The following PRKCZ variants were observed in gnomAD, a reference collection of about 807,000 sequenced individuals.
PRKCZ encodes the protein protein kinase C zeta type.
PRKCZ carries 33 observed loss-of-function variants against 79.5 expected under a neutral mutation model. The observed-to-expected ratio is 0.41, with a 90% CI of 0.31 to 0.55. The LOEUF (loss-of-function observed/expected upper bound fraction) is 0.55, where lower values mean the gene tolerates loss of function less well. Among genes scored for constraint, PRKCZ ranks in the 20% least tolerant of loss-of-function variants. The pLI, the probability that PRKCZ is intolerant of heterozygous loss-of-function variation, is 0.19. For synonymous variants in PRKCZ, 342 were observed against 320.9 expected (o/e 1.07, Z -0.70); for missense variants, 578 against 813.5 (o/e 0.71, Z 3.52).
intron 4 of PRKCZ, among the ~76,000 whole-genome samples, chr1:2,097,380 C>T (rs975351832): frequency 6.6e-6 from 1 of 152,308 alleles, no homozygotes; most frequent in South Asian, 2.1e-4. Context: ...ATGAGCTGGG[C>T]TGGTGGAGAA....
intron 4 of PRKCZ, among the ~76,000 whole-genome samples, chr1:2,112,751 G>A (rs1670008319): frequency 1.3e-5 from 2 of 151,602 alleles, no homozygotes; most frequent in African/African-American, 2.4e-5. Context: ...GTGCAGTGGC[G>A]TGATCTCGGC....
At chr1:2,170,795 T>C (rs1315009681) in intron 11 of PRKCZ, among the ~76,000 whole-genome samples, 1 of 152,216 alleles carries the variant, frequency 6.6e-6, no homozygotes, top group African/African-American at 2.4e-5. Context: ...TCCTCAAGAT[T>C]CATCCGTGCT....
In PRKCZ at chr1:2,172,460, C is replaced by T; in HGVS notation, c.1285+72C>T. The stretch of plus-strand genomic sequence containing the variant: ...ATGGCTTCGGGCCTGGCCCAGCAGC[C>T]AGGGAGAGGTGTCCTTGACCATCTT... On this transcript the variant is annotated intron_variant, in intron 13 of 17. Coordinates refer to ENST00000378567, the MANE Select transcript of PRKCZ (RefSeq NM_002744.6). This position sits in a 1 kb window ranked among gnomAD's most constrained non-coding sequence, Gnocchi z 7.8. 1 of 1,474,880 alleles carries T rather than the reference C, an allele frequency of 6.8e-7. No individual in the cohort carries two copies. The highest frequency in any genetic ancestry group is 9.2e-7 in the Non-Finnish European group (1 of 1,091,036). The allele number at this position is 1,474,880 out of a possible 1,614,324, so 91.4% of individuals were successfully genotyped here. A position where few individuals can be genotyped will look rare whatever the true frequency, so the allele number is the denominator to read the frequency against.
intron 4 of PRKCZ, among the ~76,000 whole-genome samples, chr1:2,081,975 CTT>C (rs2102398442): frequency 6.6e-6 from 1 of 152,330 alleles, no homozygotes; most frequent in South Asian, 2.1e-4. Flanking sequence ...GGGCAGTCCT[CTT>C]TTTTCGGAAA....
upstream of PRKCZ, chr1:2,050,152 G>A (rs761292010): frequency 8.5e-5 from 13 of 152,154 alleles, no homozygotes; most frequent in Non-Finnish European, 1.5e-4. Context: ...CGTCCCAGAG[G>A]CCGGGGCCCC....
intron 5 of PRKCZ, among the ~76,000 whole-genome samples, chr1:2,138,533 C>G (rs1468834041): frequency 6.6e-6 from 1 of 152,098 alleles, no homozygotes; most frequent in Non-Finnish European, 1.5e-5. Flanking sequence ...TCCAGTAAAT[C>G]CTGAGGAGGT....
chr1:2,184,148 G>T (rs1026064939), intron 16 of PRKCZ: 1 of 153,658 alleles, frequency 6.5e-6, no homozygotes, highest in Admixed American at 6.5e-5. Context: ...GGGCCGGCAG[G>T]AGGCTCCTGA....
chr1:2,080,349 C>CGTGGACGTGGCGGTGCGT (rs1557512566), intron 4 of PRKCZ, among the ~76,000 whole-genome samples: 1 of 152,238 alleles, frequency 6.6e-6, no homozygotes, highest in African/African-American at 2.4e-5. Flanking sequence ...TGGCGGTGCG[C>CGTGGACGTGGCGGTGCGT]GTGGACGTGG....
At chr1:2,140,789 C>T (rs1283066801) in intron 5 of PRKCZ, among the ~76,000 whole-genome samples, 1 of 152,052 alleles carries the variant, frequency 6.6e-6, no homozygotes, top group African/African-American at 2.4e-5. Context: ...GCCAACATGG[C>T]GAAACTTTGT....
chr1:2,066,441 C>G (rs921693305), intron 4 of PRKCZ, among the ~76,000 whole-genome samples: 1 of 152,180 alleles, frequency 6.6e-6, no homozygotes, highest in Non-Finnish European at 1.5e-5. Flanking sequence ...CTCCTGGGTT[C>G]AAGTGATTCT....
At chr1:2,140,883 G>T (rs369217726) in intron 5 of PRKCZ, among the ~76,000 whole-genome samples, 4 of 152,186 alleles carry the variant, frequency 2.6e-5, no homozygotes, top group Admixed American at 6.5e-5. Flanking sequence ...CAGGAGAATC[G>T]CTTGAACCCA....
chr1:2,105,074 A>G (rs1199789963), intron 4 of PRKCZ, among the ~76,000 whole-genome samples: 1 of 152,200 alleles, frequency 6.6e-6, no homozygotes, highest in African/African-American at 2.4e-5. Context: ...GAGAACGAGT[A>G]ACCCCTTATC....
intron 4 of PRKCZ, chr1:2,104,643 TC>T: frequency 1.0e-6 from 1 of 977,530 alleles, no homozygotes; most frequent in Non-Finnish European, 1.2e-6. Flanking sequence ...GCAGGGAGCA[TC>T]CAGGGGAAGC....
chr1:2,120,722 C>A (rs1039167117), intron 4 of PRKCZ, among the ~76,000 whole-genome samples: 10 of 152,150 alleles, frequency 6.6e-5, no homozygotes, highest in African/African-American at 2.4e-4. Context: ...CTTTGTGCTT[C>A]AATGTGGATT....
intron 4 of PRKCZ, among the ~76,000 whole-genome samples, chr1:2,107,654 C>T (rs1233234474): frequency 6.6e-6 from 1 of 152,168 alleles, no homozygotes; most frequent in East Asian, 1.9e-4. Context: ...AGGTGCAGGC[C>T]TTCTTTTAAC....
At chr1:2,120,435 G>T (rs1418475388) in intron 4 of PRKCZ, among the ~76,000 whole-genome samples, 1 of 151,398 alleles carries the variant, frequency 6.6e-6, no homozygotes, top group Non-Finnish European at 1.5e-5. Flanking sequence ...GAGTAGCTGG[G>T]ATTACAGGCA....
At chr1:2,150,481 A>G (rs1214603718) in intron 8 of PRKCZ, among the ~76,000 whole-genome samples, 1 of 152,190 alleles carries the variant, frequency 6.6e-6, no homozygotes, top group African/African-American at 2.4e-5. Flanking sequence ...AGCCCCACTG[A>G]TAGGGCTGAG....
intron 1 of PRKCZ, among the ~76,000 whole-genome samples, chr1:2,052,738 G>A (rs984812737): frequency 9.2e-5 from 14 of 152,230 alleles, no homozygotes; most frequent in African/African-American, 2.9e-4. Flanking sequence ...GTTCCAGAAA[G>A]CGGCTGCCAG....
intron 3 of PRKCZ, among the ~76,000 whole-genome samples, chr1:2,057,350 T>C (rs1257126553): frequency 6.6e-6 from 1 of 152,148 alleles, no homozygotes; most frequent in Non-Finnish European, 1.5e-5. Context: ...GGGAATGTGG[T>C]TCCAGCGCTG....
Sources: allele counts gnomAD v4.1 joint callset (sites outside exome capture counted in the v4.1 genomes callset), GRCh38; gene constraint gnomAD v4.1.1; non-coding constraint Gnocchi (gnomAD v3.1); transcripts MANE v1.5; gene names NCBI Gene and HGNC (gene_info 2026-07-23, HGNC 2026-07-21).